Variants in ARHGEF3 observed in about 807,000 individuals in gnomAD.
ARHGEF3 encodes 59.8 kDA protein.
In ARHGEF3, 28 loss-of-function variants were observed where a neutral mutation model predicts 63.2. That is an observed-to-expected ratio of 0.44 (90% CI 0.33 to 0.61). The LOEUF is 0.61. Ranked by LOEUF, ARHGEF3 falls within the 20% of genes least tolerant of loss-of-function variation. ARHGEF3 has a pLI of 0.03. For synonymous variants in ARHGEF3, 266 were observed against 254.2 expected, an observed-to-expected ratio of 1.05 and a Z score of -0.44; for missense variants, 533 against 659.3, an observed-to-expected ratio of 0.81 and a Z score of 2.10.
intron 2 of ARHGEF3, among the ~76,000 whole-genome samples, chr3:56,992,473 A>G (rs1282894428): frequency 2.0e-5 from 3 of 149,972 alleles, no homozygotes; most frequent in Non-Finnish European, 3.0e-5. Flanking sequence ...CTGTACCAAC[A>G]TTATGAACTG....
In ARHGEF3 at chr3:56,866,646, ACT is replaced by A. The variant is rs2040257337; in HGVS notation, c.192+15644_192+15645del. Among the ~76,000 whole-genome samples the A allele has an allele frequency of 2.6e-5, 4 of 152,296 alleles. 1 individual carries two copies. In the South Asian group the frequency reaches 8.3e-4, roughly 32 times the overall value. ...AGTGAGATATAAAAGATGTACTGGT[ACT>A]CTGTCATTTCTATATCATCTAGAAT... On this transcript the variant is annotated intron_variant, in intron 4 of 12. Coordinates refer to the ARHGEF3 transcript ENST00000338458.
chr3:57,045,033 G>A (rs1036296151), intron 1 of ARHGEF3, among the ~76,000 whole-genome samples: 15 of 152,164 alleles, frequency 9.9e-5, no homozygotes, highest in Non-Finnish European at 5.9e-5. Flanking sequence ...CTGGGAAGCC[G>A]AGGCAGATGG....
chr3:57,042,064 G>T (rs1210052266), intron 1 of ARHGEF3, among the ~76,000 whole-genome samples: 1 of 152,174 alleles, frequency 6.6e-6, no homozygotes, highest in Non-Finnish European at 1.5e-5. Flanking sequence ...ACACAGCAGC[G>T]CACCTGGGCC....
chr3:56,734,570 C>A (rs569650003), intron 8 of ARHGEF3, among the ~76,000 whole-genome samples: 4 of 152,092 alleles, frequency 2.6e-5, no homozygotes, highest in Non-Finnish European at 5.9e-5. Flanking sequence ...ACATATACCC[C>A]CTGCATCTAA....
chr3:56,842,924 C>T (rs1200797227), intron 4 of ARHGEF3, among the ~76,000 whole-genome samples: 2 of 152,050 alleles, frequency 1.3e-5, no homozygotes, highest in African/African-American at 4.8e-5. Flanking sequence ...AACTTTTGAC[C>T]GTGGCTAGTC....
At chr3:56,752,826 T>G (rs972297781) in intron 4 of ARHGEF3, among the ~76,000 whole-genome samples, 1 of 152,184 alleles carries the variant, frequency 6.6e-6, no homozygotes, top group African/African-American at 2.4e-5. Context: ...TCAGGAATGC[T>G]AGAGGTGGAA....
intron 1 of ARHGEF3, chr3:57,075,469 A>T: frequency 6.0e-6 from 1 of 165,372 alleles, no homozygotes; most frequent in East Asian, 1.9e-4. Context: ...AACCTCAATT[A>T]GGAACAGTCT....
At chr3:56,880,321 TATC>T (rs2040725913) in intron 4 of ARHGEF3, among the ~76,000 whole-genome samples, 1 of 152,104 alleles carries the variant, frequency 6.6e-6, no homozygotes, top group Non-Finnish European at 1.5e-5. Flanking sequence ...AAAAAGGAAA[TATC>T]ATCCGTAGCT....
At chr3:56,966,849 AATTATT>A (rs141341491) in intron 2 of ARHGEF3, among the ~76,000 whole-genome samples, 13 of 146,074 alleles carry the variant, frequency 8.9e-5, no homozygotes, top group Non-Finnish European at 1.9e-4. Flanking sequence ...TTTTTTTTTT[AATTATT>A]ATTATTATTA....
At chr3:57,002,434 ATATATATGCCAGGCACTGTTCTAAGCAC>A (rs1417701599) in intron 2 of ARHGEF3, among the ~76,000 whole-genome samples, 33 of 86,240 alleles carry the variant, frequency 3.8e-4, no homozygotes, top group African/African-American at 6.6e-4. Flanking sequence ...CTATATATAT[ATATATATGCCAGGCACTGTTCTAAGCAC>A]TATATATATA....
chr3:57,077,836 T>C (rs1706285842), intron 1 of ARHGEF3, among the ~76,000 whole-genome samples: 1 of 152,140 alleles, frequency 6.6e-6, no homozygotes, highest in South Asian at 2.1e-4. Context: ...AATCCCACAT[T>C]CTGAGATATA....
At chr3:56,975,001 C>T (rs989535959) in intron 2 of ARHGEF3, among the ~76,000 whole-genome samples, 4 of 152,234 alleles carry the variant, frequency 2.6e-5, no homozygotes, top group South Asian at 4.2e-4. Context: ...ACTGATGAGA[C>T]GGATGTGGGA....
chr3:57,039,074 A>G (rs1043245863), intron 1 of ARHGEF3, among the ~76,000 whole-genome samples: 3 of 152,062 alleles, frequency 2.0e-5, no homozygotes, highest in East Asian at 1.9e-4. Context: ...GTGTTAATCT[A>G]AAGTTCATCA....
chr3:57,063,516 G>A (rs1192013716), intron 1 of ARHGEF3, among the ~76,000 whole-genome samples: 1 of 152,174 alleles, frequency 6.6e-6, no homozygotes, highest in Non-Finnish European at 1.5e-5. Context: ...TCTACAAGTA[G>A]AGTCTTTTGA....
intron 2 of ARHGEF3, among the ~76,000 whole-genome samples, chr3:57,009,717 G>A (rs1702606209): frequency 6.6e-6 from 1 of 152,094 alleles, no homozygotes; most frequent in Non-Finnish European, 1.5e-5. Flanking sequence ...AAGAAGATGG[G>A]ACCTTGTTCC....
chr3:57,013,163 C>T (rs1288936851), intron 2 of ARHGEF3, among the ~76,000 whole-genome samples: 2 of 152,176 alleles, frequency 1.3e-5, no homozygotes, highest in Non-Finnish European at 2.9e-5. Flanking sequence ...TGGCGGTGGG[C>T]TCCTGTGTCG....
chr3:56,979,634 G>T lies in ARHGEF3; in HGVS notation c.63-20745C>A, dbSNP rs1325771848. Among the ~76,000 whole-genome samples, 4 of 152,218 alleles carry T rather than the reference G, an allele frequency of 2.6e-5. No homozygotes were observed. In the East Asian group the frequency reaches 7.7e-4, roughly 29 times the overall value. ...GGTCTGGTCCACATCACGACTGCAGGTGGTGCTTATCCTAGATCGCCTCTC... is the reference window on the plus strand; with the variant it reads ...GGTCTGGTCCACATCACGACTGCAGTTGGTGCTTATCCTAGATCGCCTCTC... On this transcript the variant is annotated intron_variant, in intron 2 of 12. Coordinates refer to the ARHGEF3 transcript ENST00000338458.
At chr3:56,851,358 T>A (rs952353285) in intron 4 of ARHGEF3, among the ~76,000 whole-genome samples, 3 of 152,166 alleles carry the variant, frequency 2.0e-5, no homozygotes, top group Admixed American at 6.5e-5. Context: ...TGGGCTTTTG[T>A]CTCTCCAGTC....
At chr3:56,840,223 G>A (rs1170053553) in intron 4 of ARHGEF3, among the ~76,000 whole-genome samples, 1 of 152,188 alleles carries the variant, frequency 6.6e-6, no homozygotes, top group South Asian at 2.1e-4. Context: ...AGGAGAGCCA[G>A]CCAACAACAG....
Sources: gnomAD v4.1 joint callset for allele counts (sites outside exome capture counted in the v4.1 genomes callset) on GRCh38, gnomAD v4.1.1 for gene constraint, MANE v1.5 for transcripts, NCBI Gene and HGNC (gene_info 2026-07-23, HGNC 2026-07-21) for gene names.